RHOT1: variants seen among roughly 807,000 people sequenced by gnomAD.
RHOT1 encodes mitochondrial Rho GTPase 1.
RHOT1 carries 27 observed loss-of-function variants against 95.3 expected under a neutral mutation model. The observed-to-expected ratio is 0.28, with a 90% CI of 0.21 to 0.39. RHOT1 has a LOEUF of 0.39. Ranked by LOEUF, RHOT1 falls within the 10% of genes least tolerant of loss-of-function variation. The pLI is 1.00. For missense variants in RHOT1, 578 were observed against 786.7 expected, an observed-to-expected ratio of 0.73 and a Z score of 3.17; for synonymous variants, 227 against 263.5, an observed-to-expected ratio of 0.86 and a Z score of 1.34.
chr17:32,149,629 A>ATGTGTGTGTGTGTG (rs1204046813), intron 1 of RHOT1, among the ~76,000 whole-genome samples: 61 of 87,430 alleles, frequency 7.0e-4, no homozygotes, highest in East Asian at 2.5e-3. Context: ...ATATATATAT[A>ATGTGTGTGTGTGTG]TATATATGTG....
chr17:32,207,607 T>TA, intron 17 of RHOT1: 1 of 154,160 alleles, frequency 6.5e-6, no homozygotes, highest in Non-Finnish European at 1.4e-5. Context: ...ATATTTAAAT[T>TA]AAAAAATAAA....
intron 8 of RHOT1, among the ~76,000 whole-genome samples, chr17:32,183,538 A>C (rs1236496912): frequency 6.6e-6 from 1 of 152,222 alleles, no homozygotes; most frequent in African/African-American, 2.4e-5. Flanking sequence ...ATAACAACAA[A>C]AAAGTCCTCC....
intron 8 of RHOT1, among the ~76,000 whole-genome samples, chr17:32,190,553 A>G (rs191329614): frequency 6.6e-6 from 1 of 152,160 alleles, no homozygotes; most frequent in African/African-American, 2.4e-5. Flanking sequence ...TAGACAAAAT[A>G]AAAGATTAGG....
chr17:32,222,523 G>A (rs1030652549), intron 19 of RHOT1, among the ~76,000 whole-genome samples: 24 of 152,050 alleles, frequency 1.6e-4, no homozygotes, highest in African/African-American at 5.8e-4. Context: ...AGGTTTCCTT[G>A]TCTGGAGTGG....
intron 1 of RHOT1, among the ~76,000 whole-genome samples, chr17:32,168,368 C>T (rs1283596089): frequency 7.2e-5 from 11 of 152,070 alleles, no homozygotes. Flanking sequence ...CTCCTGGGCT[C>T]AAGCAGTCCT....
chr17:32,188,645 G>T (rs180921652), intron 8 of RHOT1, among the ~76,000 whole-genome samples: 30 of 152,248 alleles, frequency 2.0e-4, no homozygotes, highest in Admixed American at 1.6e-3. Flanking sequence ...CTTCCAAAAA[G>T]AATTTCATTC....
At chr17:32,168,601 A>G (rs994454218) in intron 1 of RHOT1, among the ~76,000 whole-genome samples, 1 of 148,950 alleles carries the variant, frequency 6.7e-6, no homozygotes, top group East Asian at 1.9e-4. Context: ...ACAAACACAT[A>G]TATGTAATAT....
At chr17:32,202,689 A>C (rs2037410125) in intron 14 of RHOT1, 81 bp from the exon 15 acceptor site, 1 of 996,342 alleles carries the variant, frequency 1.0e-6, no homozygotes, top group Non-Finnish European at 1.5e-6. Context: ...GCAATGCCCT[A>C]TTTTGCAAAA....
In RHOT1 at chr17:32,199,472, G is replaced by T. The variant is rs2037152472; in HGVS notation, c.1022G>T (p.Trp341Leu). The change falls in exon 13 of 20, where the codon TGG becomes TTG. Residue 341 changes from tryptophan to leucine, a missense_variant. Coordinates refer to ENST00000545287, the MANE Select transcript of RHOT1 (RefSeq NM_001033566.3). ...TTTAAAGTTTTCCCTTACATACCTT[G>T]GGGGCCAGATGTGAATAACACAGTT... ...DLFKVFPYIP[W>L]GPDVNNTVCT... The T allele has an allele frequency of 1.2e-6, 2 of 1,612,854 alleles. No homozygotes were observed. Among genetic ancestry groups the T allele is most frequent in the Admixed American group, 3.3e-5 (2 of 59,742 alleles).
chr17:32,197,428 AT>A (rs1288008589), intron 11 of RHOT1, among the ~76,000 whole-genome samples: 4 of 139,096 alleles, frequency 2.9e-5, no homozygotes, highest in African/African-American at 1.2e-4. Context: ...TTATTTTTTT[AT>A]TTTTTTATTT....
chr17:32,208,625 T>TG (rs1598447265), intron 18 of RHOT1: 1 of 226,130 alleles, frequency 4.4e-6, no homozygotes, highest in Non-Finnish European at 8.8e-6. Context: ...TTTGGCATCA[T>TG]GTTGTTTTAT....
chr17:32,205,710 C>T (rs1290988806), intron 16 of RHOT1, among the ~76,000 whole-genome samples: 2 of 152,122 alleles, frequency 1.3e-5, no homozygotes, highest in Non-Finnish European at 2.9e-5. Context: ...GAGGCCGAGG[C>T]GGGTGGATCA....
chr17:32,143,304 C>T (rs1250759897), intron 1 of RHOT1, among the ~76,000 whole-genome samples: 1 of 152,162 alleles, frequency 6.6e-6, no homozygotes, highest in Non-Finnish European at 1.5e-5. Flanking sequence ...TATGTATTGA[C>T]ATTAAGATAT....
At chr17:32,149,635 A>ATATATGTGTGTG (rs1445281403) in intron 1 of RHOT1, among the ~76,000 whole-genome samples, 2 of 59,094 alleles carry the variant, frequency 3.4e-5, no homozygotes, top group Non-Finnish European at 6.8e-5. Flanking sequence ...ATATATATAT[A>ATATATGTGTGTG]TGTGTGTGTG....
intron 11 of RHOT1, among the ~76,000 whole-genome samples, chr17:32,194,567 G>A (rs1025066934): frequency 2.0e-5 from 3 of 152,082 alleles, no homozygotes; most frequent in African/African-American, 7.2e-5. Flanking sequence ...ATCCCCAGTT[G>A]AGAACCACTG....
intron 15 of RHOT1, 67 bp from the exon 16 acceptor site, chr17:32,203,823 C>T: frequency 9.1e-7 from 1 of 1,094,116 alleles, no homozygotes. Context: ...CACATATACA[C>T]AGAGATGTTT....
At chr17:32,153,161 A>G (rs6505282) in intron 1 of RHOT1, among the ~76,000 whole-genome samples, 6,923 of 152,146 alleles carry the variant, frequency 0.046, 534 homozygotes, top group African/African-American at 0.16. Flanking sequence ...TCTGAAACTG[A>G]TGAGGGCCTT....
chr17:32,197,999 G>A (rs1283497420), intron 11 of RHOT1, among the ~76,000 whole-genome samples: 1 of 152,054 alleles, frequency 6.6e-6, no homozygotes, highest in African/African-American at 2.4e-5. Context: ...GGCTTAACCT[G>A]TCCTCCTGCC....
At chr17:32,192,070 A>T in intron 8 of RHOT1, 131 bp from the exon 9 acceptor site, 1 of 580,764 alleles carries the variant, frequency 1.7e-6, no homozygotes. Context: ...TATAAAGTAA[A>T]TGGCTTTGCT....
Sources: gnomAD v4.1 joint callset for allele counts (sites outside exome capture counted in the v4.1 genomes callset) on GRCh38, gnomAD v4.1.1 for gene constraint, MANE v1.5 for transcripts, NCBI Gene and HGNC (gene_info 2026-07-23, HGNC 2026-07-21) for gene names.